Variants in DAB2IP observed in about 807,000 individuals in gnomAD.
DAB2IP encodes disabled homolog 2-interacting protein.
A neutral mutation model predicts 107.2 loss-of-function variants in DAB2IP; 28 were observed. The ratio of observed to expected loss-of-function variants is 0.26; its 90% CI spans 0.19 to 0.36. The LOEUF is 0.36. Ranked by LOEUF, DAB2IP falls within the 10% of genes least tolerant of loss-of-function variation. The probability of loss-of-function intolerance (pLI) is 1.00; values close to 1 mark genes in which losing one functional copy is unlikely to be tolerated. For synonymous variants in DAB2IP, 755 were observed against 706.4 expected, an observed-to-expected ratio of 1.07 and a Z score of -1.09; for missense variants, 1,400 against 1,644.7, an observed-to-expected ratio of 0.85 and a Z score of 2.57.
intron 8 of DAB2IP, among the ~76,000 whole-genome samples, chr9:121,765,495 A>G (rs1834214890): frequency 6.6e-6 from 1 of 152,172 alleles, no homozygotes; most frequent in Non-Finnish European, 1.5e-5. Flanking sequence ...CCTGTGGGGG[A>G]AGAAATTTCA....
intron 1 of DAB2IP, among the ~76,000 whole-genome samples, chr9:121,642,032 T>TCTTTCTTTCC (rs1491280649): frequency 9.1e-5 from 2 of 21,928 alleles, no homozygotes; most frequent in African/African-American, 3.6e-4. Context: ...TCTCTCTCTC[T>TCTTTCTTTCC]TTCTTTCTTT....
Position 121,772,924 on chromosome 9 carries a change from C to A in DAB2IP, c.2396C>A (p.Thr799Lys). ...CCAGTGAACCTGGCAGGGCTGGCCA[C>A]GGTGCGGCGGGCAGGCCAGACACCA... The change falls in exon 12 of 16, where the codon ACG (threonine) becomes AAG (lysine). Residue 799 changes from threonine (T) to lysine (K), a missense_variant. Coordinates refer to ENST00000408936, the Ensembl canonical transcript of DAB2IP. The surrounding 1 kb of genome is among the most constrained non-coding windows in gnomAD (Gnocchi z 4.7). The A allele has an allele frequency of 1.3e-6, 2 of 1,560,098 alleles. No homozygotes were observed. Among genetic ancestry groups the A allele is most frequent in the Non-Finnish European group, 8.6e-7 (1 of 1,157,406 alleles).
intron 3 of DAB2IP, among the ~76,000 whole-genome samples, chr9:121,717,376 C>T (rs1047191756): frequency 5.3e-5 from 8 of 152,200 alleles, no homozygotes; most frequent in African/African-American, 1.9e-4. Context: ...AGCAGAAGCA[C>T]GTTTCTACAC....
intron 1 of DAB2IP, among the ~76,000 whole-genome samples, chr9:121,567,990 C>G (rs1450232957): frequency 1.3e-5 from 2 of 151,848 alleles, no homozygotes; most frequent in East Asian, 3.9e-4. Context: ...GTGGCCGAGG[C>G]ACCGAGGCTG....
chr9:121,596,154 C>T (rs886528380), intron 1 of DAB2IP, among the ~76,000 whole-genome samples: 1 of 152,054 alleles, frequency 6.6e-6, no homozygotes, highest in Non-Finnish European at 1.5e-5. Context: ...AACCCTGTCT[C>T]TATTAAAAAA....
chr9:121,598,737 A>G (rs1218582362), intron 1 of DAB2IP: 1 of 152,274 alleles, frequency 6.6e-6, no homozygotes, highest in Non-Finnish European at 1.5e-5. Flanking sequence ...GAGGACGAAC[A>G]CAGGCATCCG....
intron 3 of DAB2IP, among the ~76,000 whole-genome samples, chr9:121,750,280 G>A (rs758035217): frequency 2.0e-5 from 3 of 152,210 alleles, no homozygotes; most frequent in East Asian, 1.9e-4. Context: ...CCTCCTGCCC[G>A]CTCGCAGCTG....
chr9:121,621,743 T>C (rs1831472930), intron 1 of DAB2IP, among the ~76,000 whole-genome samples: 1 of 150,822 alleles, frequency 6.6e-6, no homozygotes, highest in East Asian at 1.9e-4. Flanking sequence ...TCAAGCATTT[T>C]TCAAGCAATT....
chr9:121,782,249 C>T lies in DAB2IP; in HGVS notation c.3403-82C>T, dbSNP rs1053133963. On this transcript the variant is annotated intron_variant, in intron 15 of 15. Transcript: ENST00000408936. The surrounding 1 kb of genome is among the most constrained non-coding windows in gnomAD (Gnocchi z 6.1). Reference sequence around the variant, plus strand: ...TGCCACCCTCATCTCCAGGCCACCCCCTTCCCCGATGCTTGTCGTAGGTAT... The same window carrying T: ...TGCCACCCTCATCTCCAGGCCACCCTCTTCCCCGATGCTTGTCGTAGGTAT... 9 of 1,536,460 alleles carry T rather than the reference C, an allele frequency of 5.9e-6. No individual in the cohort carries two copies. Among genetic ancestry groups the T allele is most frequent in the Non-Finnish European group, 7.0e-6 (8 of 1,137,102 alleles).
chr9:121,772,369 G>A lies in DAB2IP; in HGVS notation c.2079-238G>A, dbSNP rs10985371. 2.5e-3 allele frequency among the ~76,000 whole-genome samples: 375 copies of A among 152,282 alleles called. 4 individuals are homozygous for A. The East Asian group carries it at 0.029, about 12-fold the overall frequency. The stretch of plus-strand genomic sequence containing the variant: ...AGGGAAGGGGTCTTCCAGGCAGCGC[G>A]GCCTGAAATGTGCAGTGCTGGCCCC... On this transcript the variant is annotated intron_variant, in intron 11 of 15. Coordinates refer to ENST00000408936, the Ensembl canonical transcript of DAB2IP. This position sits in a 1 kb window ranked among gnomAD's most constrained non-coding sequence, Gnocchi z 4.7.
intron 1 of DAB2IP, among the ~76,000 whole-genome samples, chr9:121,596,047 G>A (rs574576994): frequency 7.9e-5 from 12 of 152,042 alleles, no homozygotes; most frequent in African/African-American, 2.7e-4. Context: ...TAGGCCAGGC[G>A]CGGTGGCTCA....
intron 1 of DAB2IP, among the ~76,000 whole-genome samples, chr9:121,610,747 C>T (rs999514291): frequency 6.6e-5 from 10 of 152,118 alleles, no homozygotes; most frequent in Admixed American, 3.9e-4. Flanking sequence ...CAGAGGGGGG[C>T]GCAGAGGAGA....
At chr9:121,649,888 C>T (rs532165809), upstream of DAB2IP, among the ~76,000 whole-genome samples, 32 of 152,222 alleles carry the variant, frequency 2.1e-4, no homozygotes, top group Non-Finnish European at 3.5e-4. Context: ...AGGGCAATGC[C>T]TCCAAGCTTG....
rs1447928298 is a variant in DAB2IP, at chr9:121,701,607, A to G, written c.362+2149A>G. 2.6e-5 allele frequency among the ~76,000 whole-genome samples: 4 copies of G among 152,176 alleles called. No individual in the cohort carries two copies. The highest frequency in any genetic ancestry group is 9.7e-5 in the African/African-American group (4 of 41,438). On this transcript the variant is annotated intron_variant, in intron 3 of 15. Transcript: ENST00000408936. This position sits in a 1 kb window ranked among gnomAD's most constrained non-coding sequence, Gnocchi z 4.7. ...CTCTACCCAGCCTTGGAGCTGAAAT[A>G]GGCTTTCCCAGGACTGGGGTCTCCT...
At chr9:121,611,263 C>T (rs1831085764) in intron 1 of DAB2IP, among the ~76,000 whole-genome samples, 1 of 151,934 alleles carries the variant, frequency 6.6e-6, no homozygotes, top group Admixed American at 6.6e-5. Context: ...CATGAGCTGC[C>T]ATGCCTGGCC....
At chr9:121,674,778 A>T (rs1833824093) in intron 1 of DAB2IP, among the ~76,000 whole-genome samples, 1 of 151,666 alleles carries the variant, frequency 6.6e-6, no homozygotes, top group African/African-American at 2.4e-5. Flanking sequence ...AGACATCCTC[A>T]CCGGGCACCC....
At chr9:121,754,311 C>T (rs12685856) in intron 3 of DAB2IP, among the ~76,000 whole-genome samples, 23,622 of 152,142 alleles carry the variant, frequency 0.16, 3,953 homozygotes, top group African/African-American at 0.42. Flanking sequence ...AGGAAGGAAA[C>T]GCATAGGAAC....
chr9:121,773,836 A>G (rs1355666898), intron 12 of DAB2IP, among the ~76,000 whole-genome samples: 2 of 151,930 alleles, frequency 1.3e-5, no homozygotes, highest in Admixed American at 6.5e-5. Flanking sequence ...CCCTCCCAAA[A>G]TGTTTTCACA....
At chr9:121,587,017 G>A (rs1830325429) in intron 1 of DAB2IP, among the ~76,000 whole-genome samples, 1 of 152,244 alleles carries the variant, frequency 6.6e-6, no homozygotes. Flanking sequence ...GGCACAGGCA[G>A]CGGGGGTGTC....
Sources: gnomAD v4.1 joint callset for allele counts (sites outside exome capture counted in the v4.1 genomes callset) on GRCh38, gnomAD v4.1.1 for gene constraint, Gnocchi (gnomAD v3.1) non-coding constraint, MANE v1.5 for transcripts, NCBI Gene and HGNC (gene_info 2026-07-23, HGNC 2026-07-21) for gene names.